PRSS23: variants seen among roughly 807,000 people sequenced by gnomAD.
PRSS23 encodes the protein serine protease 23, also known as protease, serine 23.
A neutral mutation model predicts 34.7 loss-of-function variants in PRSS23; 25 were observed. The observed-to-expected ratio is 0.72, with a 90% confidence interval of 0.53 to 1.01. The LOEUF (loss-of-function observed/expected upper bound fraction) is 1.01. Among genes scored for constraint, PRSS23 ranks in the 50% least tolerant of loss-of-function variants. The pLI is 0.00. For synonymous variants in PRSS23, 176 were observed against 186.6 expected (o/e 0.94, Z 0.46); for missense variants, 445 against 475.6 (o/e 0.94, Z 0.60).
At chr11:86,917,900 C>T (rs1949024327) in intron 2 of PRSS23, among the ~76,000 whole-genome samples, 1 of 152,174 alleles carries the variant, frequency 6.6e-6, no homozygotes, top group African/African-American at 2.4e-5. Context: ...ATGCGAAGAC[C>T]TAATTCCCTG....
chr11:86,910,386 A>G (rs1040425220), intron 2 of PRSS23: 2 of 152,184 alleles, frequency 1.3e-5, no homozygotes, highest in Admixed American at 1.3e-4. Context: ...AAATAACCTC[A>G]AAACAGTGAG....
chr11:86,801,273 C>T (rs1320406025), intron 1 of PRSS23, among the ~76,000 whole-genome samples: 1 of 152,154 alleles, frequency 6.6e-6, no homozygotes, highest in East Asian at 1.9e-4. Flanking sequence ...AGTTCTTCTG[C>T]CTGTAGGCAT....
chr11:86,917,943 CAG>C (rs1302470124), intron 2 of PRSS23, among the ~76,000 whole-genome samples: 1 of 152,182 alleles, frequency 6.6e-6, no homozygotes, highest in African/African-American at 2.4e-5. Flanking sequence ...GTAGCAGAGA[CAG>C]AGGCAGAAAC....
chr11:86,866,253 G>A (rs577864108), intron 2 of PRSS23, among the ~76,000 whole-genome samples: 3 of 152,164 alleles, frequency 2.0e-5, no homozygotes, highest in South Asian at 2.1e-4. Flanking sequence ...CTGCCAATAC[G>A]ACCACCACCC....
rs368735886 is a variant in PRSS23 at position 86,878,185 on chromosome 11, T to C, written c.206+54592T>C. On this transcript the variant is annotated intron_variant, in intron 2 of 2. Transcript: ENST00000533902. ...TCATTGGCAATATATAAAAATACAC[T>C]TGAGAAAAAAATTTGGATTTCTCCC... Among the ~76,000 whole-genome samples the C allele has an allele frequency of 1.8e-3, 63 of 35,528 alleles. No individual in the cohort carries two copies. In the African/African-American group the frequency reaches 0.02, roughly 11 times the overall value. 23.3% of individuals were successfully genotyped at this position (35,528 alleles called of 152,430 possible). A position where few individuals can be genotyped will look rare whatever the true frequency, so the allele number is the denominator to read the frequency against.
intron 2 of PRSS23, among the ~76,000 whole-genome samples, chr11:86,871,188 T>C (rs1892891): frequency 0.57 from 86,947 of 152,080 alleles, 25,834 homozygotes; most frequent in African/African-American, 0.74. Flanking sequence ...CTTGGTTTTA[T>C]GCCTTTTTAG....
At chr11:86,873,592 A>G (rs1263459120) in intron 2 of PRSS23, among the ~76,000 whole-genome samples, 2 of 151,996 alleles carry the variant, frequency 1.3e-5, no homozygotes, top group Non-Finnish European at 2.9e-5. Flanking sequence ...CTATATTCTT[A>G]AAGATTGTAC....
At chr11:86,942,822 G>T (rs1303689885) in intron 2 of PRSS23, among the ~76,000 whole-genome samples, 4 of 152,172 alleles carry the variant, frequency 2.6e-5, no homozygotes, top group Admixed American at 2.6e-4. Flanking sequence ...ACATCTTCAA[G>T]ATATTTAGTG....
chr11:86,808,810 C>A lies in PRSS23; in HGVS notation c.*15C>A. On this transcript the variant is annotated 3_prime_UTR_variant, in exon 2 of 2. Coordinates refer to ENST00000280258, the MANE Select transcript of PRSS23 (RefSeq NM_007173.6). ...GGGAGGGGTGACACAGTGTTCCCTC[C>A]TGGCAGCAATTAAGGGTCTTCATGT... 6.3e-7 allele frequency: 1 copy of A among 1,586,146 alleles called. No individual in the cohort carries two copies. Among genetic ancestry groups the A allele is most frequent in the Non-Finnish European group, 8.6e-7 (1 of 1,165,016 alleles).
At chr11:86,880,610 C>T (rs1273935835) in intron 2 of PRSS23, among the ~76,000 whole-genome samples, 1 of 152,010 alleles carries the variant, frequency 6.6e-6, no homozygotes, top group African/African-American at 2.4e-5. Flanking sequence ...GTTTCAAGCC[C>T]TGCATTAGGT....
chr11:86,821,806 GC>G, intron 1 of PRSS23: 1 of 764,720 alleles, frequency 1.3e-6, no homozygotes, highest in Middle Eastern at 3.2e-4. Context: ...TGCCCCCTCC[GC>G]CATGACCATA....
At chr11:86,868,689 G>T (rs913032795) in intron 2 of PRSS23, among the ~76,000 whole-genome samples, 1 of 152,188 alleles carries the variant, frequency 6.6e-6, no homozygotes, top group African/African-American at 2.4e-5. Flanking sequence ...TGGCAAGGAA[G>T]TTAGTTGTCT....
rs530675872 is a variant in PRSS23, at chr11:86,828,964, TTA to T, written c.206+5373_206+5374del. Among the ~76,000 whole-genome samples, 975 of 152,310 alleles carry T rather than the reference TTA, an allele frequency of 6.4e-3. 15 individuals carry two copies. The highest frequency in any genetic ancestry group is 0.022 in the African/African-American group (925 of 41,566). ...ATTTCAACTTTGGTGAATCTGACAA[TTA>T]TGTGTCTTGGAGTTGCTCTTCTCGA... On this transcript the variant is annotated intron_variant, in intron 2 of 2. Transcript: ENST00000533902.
At chr11:86,938,558 G>A (rs1949179800) in intron 2 of PRSS23, among the ~76,000 whole-genome samples, 1 of 152,170 alleles carries the variant, frequency 6.6e-6, no homozygotes, top group South Asian at 2.1e-4. Flanking sequence ...CTGAGGAAGA[G>A]GAATGATGTG....
intron 2 of PRSS23, among the ~76,000 whole-genome samples, chr11:86,829,975 T>G (rs1471740323): frequency 6.6e-6 from 1 of 152,224 alleles, no homozygotes; most frequent in East Asian, 1.9e-4. Context: ...CTGCCCGTCC[T>G]CAGATCTCCA....
exon 3 of PRSS23, chr11:86,952,172 T>G: frequency 6.2e-7 from 1 of 1,612,146 alleles, no homozygotes. Flanking sequence ...CAGGCTCCTT[T>G]TCACCCAGAT....
chr11:86,892,427 G>A (rs1229783770), intron 2 of PRSS23: 1 of 152,230 alleles, frequency 6.6e-6, no homozygotes, highest in Non-Finnish European at 1.5e-5. Flanking sequence ...GGCCATGGCT[G>A]AGAGTTGATG....
chr11:86,833,844 G>A (rs1053544830), intron 2 of PRSS23, among the ~76,000 whole-genome samples: 6 of 152,122 alleles, frequency 3.9e-5, no homozygotes, highest in African/African-American at 1.4e-4. Context: ...AAGTACTGTT[G>A]GGGAGGTTGG....
At chr11:86,814,426 A>G (rs1173455016), downstream of PRSS23, among the ~76,000 whole-genome samples, 1 of 152,168 alleles carries the variant, frequency 6.6e-6, no homozygotes, top group Non-Finnish European at 1.5e-5. Flanking sequence ...GTTAAGGACA[A>G]CAAGGAAAAT....
Sources: allele counts gnomAD v4.1 joint callset (sites outside exome capture counted in the v4.1 genomes callset), GRCh38; gene constraint gnomAD v4.1.1; transcripts MANE v1.5; gene names NCBI Gene and HGNC (gene_info 2026-07-23, HGNC 2026-07-21).